Variants in PSD3 observed in about 807,000 individuals in gnomAD.
The protein encoded by PSD3 is pleckstrin and Sec7 domain containing 3, also known as PH and SEC7 domain-containing protein 3.
A neutral mutation model predicts 105.5 loss-of-function variants in PSD3; 49 were observed. The ratio of observed to expected loss-of-function variants is 0.46; its 90% CI spans 0.37 to 0.59. The LOEUF (loss-of-function observed/expected upper bound fraction) is 0.59. PSD3 is among the 20% of genes least tolerant of loss of function. PSD3 has a pLI of 0.00. For synonymous variants in PSD3, 557 were observed against 457.8 expected (o/e 1.22, Z -2.77); for missense variants, 1,561 against 1,263.8 (o/e 1.24, Z -3.57).
At chr8:19,061,777 C>T (rs1159240118) in intron 1 of PSD3, among the ~76,000 whole-genome samples, 1 of 151,182 alleles carries the variant, frequency 6.6e-6, no homozygotes. Context: ...TCTACTCCAG[C>T]CTGGGCGACA....
chr8:18,831,049 G>A (rs879650617), intron 4 of PSD3, among the ~76,000 whole-genome samples: 29 of 134,258 alleles, frequency 2.2e-4, no homozygotes, highest in Admixed American at 2.1e-3. Flanking sequence ...TTGTGACACC[G>A]ACCACCTTGG....
At position 18,632,761 on chromosome 8, in the gene PSD3, C is replaced by T. The variant is rs1806990629; in HGVS notation, c.2262G>A (p.Glu754=). 2 of 1,603,616 alleles carry T rather than the reference C, an allele frequency of 1.2e-6. No individual in the cohort carries two copies. Among genetic ancestry groups the T allele is most frequent in the African/African-American group, 1.3e-5 (1 of 74,594 alleles). The part of the protein sequence containing the change: ...KKKSPSESTE[E]KANGTHPKTI... ...TCTTTGGATGTGTTCCGTTAGCTTT[C>T]TCCTCAGTACTTTCTGAGGGAGACT... Residue 754 remains glutamate, a synonymous_variant, in exon 11 of 16, where the codon GAG becomes GAA. Transcript: ENST00000327040.
At chr8:19,070,388 C>T (rs912085376) in intron 1 of PSD3, among the ~76,000 whole-genome samples, 4 of 142,670 alleles carry the variant, frequency 2.8e-5, no homozygotes, top group African/African-American at 7.6e-5. Context: ...AAAAAAAACC[C>T]ACAAAAATAA....
intron 4 of PSD3, among the ~76,000 whole-genome samples, chr8:18,848,499 T>A (rs1449555803): frequency 6.6e-6 from 1 of 152,108 alleles, no homozygotes; most frequent in Non-Finnish European, 1.5e-5. Context: ...CCACCTCCCA[T>A]GGAGAGGCAG....
At chr8:18,674,557 T>A (rs1371063571) in intron 9 of PSD3, among the ~76,000 whole-genome samples, 4 of 152,276 alleles carry the variant, frequency 2.6e-5, no homozygotes, top group Middle Eastern at 3.4e-3. Flanking sequence ...AAGAGTTAAG[T>A]TTTTTTGCTA....
chr8:18,616,904 T>C (rs1443663431), intron 11 of PSD3, among the ~76,000 whole-genome samples: 1 of 152,058 alleles, frequency 6.6e-6, no homozygotes, highest in African/African-American at 2.4e-5. Flanking sequence ...ATTACAGGCG[T>C]GAGCCACCGC....
intron 1 of PSD3, among the ~76,000 whole-genome samples, chr8:18,976,370 G>A (rs78811557): frequency 0.018 from 2,730 of 152,204 alleles, 90 homozygotes; most frequent in African/African-American, 0.063. Context: ...AAAAATTGTA[G>A]CATCTGTGAT....
At chr8:18,881,288 T>G (rs557854084) in intron 2 of PSD3, among the ~76,000 whole-genome samples, 1 of 152,230 alleles carries the variant, frequency 6.6e-6, no homozygotes, top group South Asian at 2.1e-4. Context: ...AGTAGTCATC[T>G]GTTTCTGGAA....
intron 9 of PSD3, among the ~76,000 whole-genome samples, chr8:18,732,176 C>G (rs576947130): frequency 1.3e-5 from 2 of 151,952 alleles, no homozygotes; most frequent in South Asian, 2.1e-4. Context: ...CTCCTCCCCC[C>G]CGAAAAAAAA....
chr8:18,852,105 A>G (rs568938343), intron 4 of PSD3, among the ~76,000 whole-genome samples: 68 of 152,312 alleles, frequency 4.5e-4, no homozygotes, highest in African/African-American at 1.6e-3. Flanking sequence ...AAATTTTACA[A>G]AAATTTCCCT....
intron 12 of PSD3, among the ~76,000 whole-genome samples, chr8:18,581,239 C>T (rs1202421501): frequency 6.6e-6 from 1 of 152,132 alleles, no homozygotes; most frequent in Non-Finnish European, 1.5e-5. Flanking sequence ...ATTCATAGCA[C>T]TTTCTAATTT....
At chr8:18,565,835 G>A (rs1002658466) in intron 14 of PSD3, among the ~76,000 whole-genome samples, 1 of 152,088 alleles carries the variant, frequency 6.6e-6, no homozygotes, top group African/African-American at 2.4e-5. Context: ...AAGATATTTG[G>A]CAATGTCTGG....
chr8:18,660,537 G>T (rs1036360996), intron 9 of PSD3, among the ~76,000 whole-genome samples: 1 of 152,112 alleles, frequency 6.6e-6, no homozygotes, highest in Non-Finnish European at 1.5e-5. Flanking sequence ...ATAGTTCCAG[G>T]GTCAGTCCCT....
intron 6 of PSD3, chr8:18,803,161 C>A: frequency 4.1e-6 from 1 of 246,802 alleles, no homozygotes; most frequent in Non-Finnish European, 8.3e-6. Flanking sequence ...GTGGTGCGTA[C>A]CTGTAGTCCC....
intron 4 of PSD3, among the ~76,000 whole-genome samples, chr8:18,826,602 T>C (rs958827260): frequency 1.3e-5 from 2 of 152,174 alleles, no homozygotes; most frequent in Admixed American, 6.5e-5. Context: ...AAGGAAAGAG[T>C]CATATTACCT....
chr8:18,751,582 C>G (rs913783102), intron 9 of PSD3, among the ~76,000 whole-genome samples: 1 of 150,032 alleles, frequency 6.7e-6, no homozygotes, highest in African/African-American at 2.5e-5. Context: ...GAGGCGCCAC[C>G]ACTAGTCACT....
chr8:19,075,642 G>T (rs1387956838), intron 1 of PSD3, among the ~76,000 whole-genome samples: 1 of 152,138 alleles, frequency 6.6e-6, no homozygotes, highest in African/African-American at 2.4e-5. Flanking sequence ...AATAAAAATG[G>T]TCACTTTTTT....
Position 18,871,733 on chromosome 8 carries a change from C to A in PSD3, c.1131G>T (p.Gly377=). ...CATCAAGACGCACAGGGGAAAATGT[C>A]CCCGAGCTAGTGCCAGGCCTCTCTG... ...APSERPGTSS[G]TFSPVRLDES... The change falls in exon 3 of 16, where the codon GGG becomes GGT. Residue 377 remains glycine, a synonymous_variant. Transcript: ENST00000327040. 1 of 1,614,142 alleles carries A rather than the reference C, an allele frequency of 6.2e-7. No individual in the cohort carries two copies. The highest frequency in any genetic ancestry group is 8.5e-7 in the Non-Finnish European group (1 of 1,180,006).
At chr8:18,943,373 T>C (rs966953419) in intron 1 of PSD3, among the ~76,000 whole-genome samples, 10 of 152,172 alleles carry the variant, frequency 6.6e-5, no homozygotes, top group African/African-American at 9.7e-5. Context: ...TTTGCCCTCA[T>C]CCAAAGCTAC....
Sources: allele counts gnomAD v4.1 joint callset (sites outside exome capture counted in the v4.1 genomes callset), GRCh38; gene constraint gnomAD v4.1.1; transcripts MANE v1.5; gene names NCBI Gene and HGNC (gene_info 2026-07-23, HGNC 2026-07-21).